TMEM245: variants seen among roughly 807,000 people sequenced by gnomAD.
The protein encoded by TMEM245 is protein CG-2.
Under a neutral mutation model 101.2 loss-of-function variants are expected in TMEM245, and 69 were observed. The observed-to-expected ratio is 0.68, with a 90% CI of 0.56 to 0.83. The LOEUF (loss-of-function observed/expected upper bound fraction) is 0.83. Among genes scored for constraint, TMEM245 ranks in the 40% least tolerant of loss-of-function variants. TMEM245 has a pLI of 0.00. For missense variants in TMEM245, 1,075 were observed against 1,092.8 expected (o/e 0.98, Z 0.23); for synonymous variants, 537 against 449.8 (o/e 1.19, Z -2.45).
At chr9:109,021,237 T>C (rs1052992189) in intron 17 of TMEM245, among the ~76,000 whole-genome samples, 7 of 152,204 alleles carry the variant, frequency 4.6e-5, no homozygotes, top group Admixed American at 2.6e-4. Context: ...TAAATTTACA[T>C]CTGTGCTGGC....
intron 10 of TMEM245, among the ~76,000 whole-genome samples, chr9:109,061,876 C>T (rs900809432): frequency 2.7e-5 from 4 of 150,088 alleles, no homozygotes; most frequent in South Asian, 2.1e-4. Context: ...CCCATGAATC[C>T]TAATTTTTAG....
At chr9:109,046,092 A>C (rs1175428787) in intron 14 of TMEM245, 1 of 255,640 alleles carries the variant, frequency 3.9e-6, no homozygotes, top group East Asian at 9.4e-5. Context: ...TACCGATGGG[A>C]AGCATGTTCA....
At chr9:109,065,947 A>T (rs1194916506) in intron 9 of TMEM245, among the ~76,000 whole-genome samples, 1 of 152,198 alleles carries the variant, frequency 6.6e-6, no homozygotes, top group Non-Finnish European at 1.5e-5. Context: ...AAAGATGGTC[A>T]TAAAGAGAAA....
At chr9:109,114,425 C>A (rs1344571296) in intron 1 of TMEM245, among the ~76,000 whole-genome samples, 1 of 152,162 alleles carries the variant, frequency 6.6e-6, no homozygotes, top group African/African-American at 2.4e-5. Context: ...TAAAATAGAA[C>A]ATCGTGAAAT....
chr9:109,036,526 C>T, intron 15 of TMEM245, 146 bp from the exon 16 acceptor site: 1 of 749,284 alleles, frequency 1.3e-6, no homozygotes. Context: ...AAATGATATG[C>T]CCTATCTAAC....
intron 7 of TMEM245, among the ~76,000 whole-genome samples, chr9:109,083,901 CAAAAAAAAAA>C (rs751739620): frequency 0.012 from 397 of 34,482 alleles, 6 homozygotes; most frequent in African/African-American, 0.04. Context: ...ACTAAAAATA[CAAAAAAAAAA>C]AAAAAAAAAA....
chr9:109,115,386 A>C (rs1209820247), intron 1 of TMEM245, among the ~76,000 whole-genome samples: 1 of 152,038 alleles, frequency 6.6e-6, no homozygotes, highest in Non-Finnish European at 1.5e-5. Context: ...TCCCAAAGAC[A>C]CTAAAAAGGA....
At chr9:109,091,785 C>A (rs1830013617) in intron 4 of TMEM245, among the ~76,000 whole-genome samples, 1 of 152,090 alleles carries the variant, frequency 6.6e-6, no homozygotes, top group Non-Finnish European at 1.5e-5. Context: ...TTACATTTTA[C>A]TATAGGGTGC....
chr9:109,028,321 G>T (rs1289349693), intron 17 of TMEM245, among the ~76,000 whole-genome samples: 1 of 151,858 alleles, frequency 6.6e-6, no homozygotes, highest in East Asian at 2.0e-4. Context: ...GTAGTGGCAT[G>T]AACCTACCTG....
intron 5 of TMEM245, among the ~76,000 whole-genome samples, chr9:109,090,716 CA>C (rs112374218): frequency 0.18 from 19,123 of 108,320 alleles, 1,310 homozygotes; most frequent in African/African-American, 0.27. Flanking sequence ...GACTCCGTCT[CA>C]AAAAAAAAAA....
At chr9:109,088,126 G>A (rs1042107917) in intron 5 of TMEM245, among the ~76,000 whole-genome samples, 3 of 152,228 alleles carry the variant, frequency 2.0e-5, no homozygotes, top group Non-Finnish European at 4.4e-5. Context: ...TTCAAGTTTG[G>A]ACCCTGTATC....
chr9:109,033,575 A>T, intron 16 of TMEM245, 74 bp from the exon 17 acceptor site: 1 of 1,414,084 alleles, frequency 7.1e-7, no homozygotes, highest in South Asian at 1.5e-5. Context: ...TACAATGTGC[A>T]TTCTTTAATA....
chr9:109,076,310 C>T (rs1829497300), intron 8 of TMEM245, among the ~76,000 whole-genome samples: 2 of 148,150 alleles, frequency 1.3e-5, no homozygotes, highest in Admixed American at 6.8e-5. Context: ...TGTTCTCACT[C>T]ATAGATGGGA....
intron 12 of TMEM245, among the ~76,000 whole-genome samples, chr9:109,053,018 G>T (rs1325212054): frequency 1.3e-5 from 2 of 152,178 alleles, no homozygotes; most frequent in Non-Finnish European, 2.9e-5. Context: ...AATCCTTAAA[G>T]TAAAGTGGTT....
Position 109,073,459 on chromosome 9 carries a change from GAA to G in TMEM245, c.1450-23_1450-22del. 3 of 1,547,190 alleles carry G rather than the reference GAA, an allele frequency of 1.9e-6. No homozygotes were observed. The South Asian group carries it at 3.5e-5, about 18-fold the overall frequency. On this transcript the variant is annotated intron_variant, in intron 8 of 17. Transcript: ENST00000374586. Reference sequence around the variant, plus strand: ...TGTACCTGTATTACAGATAAAGAAAGAAAAGAATCTCAGTAAAAAATAAACCC... The same window carrying G: ...TGTACCTGTATTACAGATAAAGAAAGAAGAATCTCAGTAAAAAATAAACCC...
intron 14 of TMEM245, among the ~76,000 whole-genome samples, chr9:109,044,207 T>C (rs1828403451): frequency 6.6e-6 from 1 of 152,176 alleles, no homozygotes; most frequent in Non-Finnish European, 1.5e-5. Flanking sequence ...CAAACCAGAT[T>C]GTGCTTGCTA....
At chr9:109,117,304 G>A (rs1295539201) in intron 1 of TMEM245, among the ~76,000 whole-genome samples, 1 of 151,340 alleles carries the variant, frequency 6.6e-6, no homozygotes, top group Non-Finnish European at 1.5e-5. Context: ...TTTTGGTAGA[G>A]ACGGGGTTTC....
intron 14 of TMEM245, among the ~76,000 whole-genome samples, chr9:109,044,595 T>G (rs943277797): frequency 6.6e-6 from 1 of 152,056 alleles, no homozygotes; most frequent in Admixed American, 6.6e-5. Flanking sequence ...CCAGTCAGCT[T>G]TTAGAGACAC....
At position 109,017,949 on chromosome 9, in the gene TMEM245, G is replaced by C. The variant is rs578237985; in HGVS notation, c.*2511C>G. The C allele has an allele frequency of 1.3e-5, 2 of 152,168 alleles. No individual in the cohort carries two copies. Among genetic ancestry groups the C allele is most frequent in the Non-Finnish European group, 2.9e-5 (2 of 68,020 alleles). The allele number at this position is 152,168 out of a possible 1,614,324, so 9.4% of individuals were successfully genotyped here. A position where few individuals can be genotyped will look rare whatever the true frequency, so the allele number is the denominator to read the frequency against. ...TCCTTATGCCGTTGCTGTAGCAATG[G>C]GGCAGGTCAAGTTTCCTGATCATAG... is the stretch of plus-strand genomic sequence containing the variant. On this transcript the variant is annotated 3_prime_UTR_variant, in exon 18 of 18. Transcript: ENST00000374586.
Sources: allele counts gnomAD v4.1 joint callset (sites outside exome capture counted in the v4.1 genomes callset), GRCh38; gene constraint gnomAD v4.1.1; transcripts MANE v1.5; gene names NCBI Gene and HGNC (gene_info 2026-07-23, HGNC 2026-07-21).